Variants in HECW1 observed in about 807,000 individuals in gnomAD.
HECW1 encodes the protein HECT, C2 and WW domain containing E3 ubiquitin protein ligase 1.
Under a neutral mutation model 182.3 loss-of-function variants are expected in HECW1, and 61 were observed. That is an observed-to-expected ratio of 0.33 (90% confidence interval 0.27 to 0.41). The LOEUF is 0.41. Ranked by LOEUF, HECW1 falls within the 10% of genes least tolerant of loss-of-function variation. The pLI, the probability that HECW1 is intolerant of heterozygous loss-of-function variation, is 1.00. For missense variants in HECW1, 1,739 were observed against 2,108.9 expected (o/e 0.82, Z 3.44); for synonymous variants, 859 against 832.6 (o/e 1.03, Z -0.55).
At chr7:43,315,791 G>T (rs1809168081) in intron 4 of HECW1, among the ~76,000 whole-genome samples, 1 of 152,094 alleles carries the variant, frequency 6.6e-6, no homozygotes, top group Admixed American at 6.5e-5. Flanking sequence ...ACCGCGCCTG[G>T]CCCTGTCCCA....
chr7:43,446,797 A>G (rs2152880539), intron 11 of HECW1, among the ~76,000 whole-genome samples: 2 of 152,368 alleles, frequency 1.3e-5, no homozygotes, highest in East Asian at 3.9e-4. Flanking sequence ...TAAAACAGAC[A>G]GCATGGAAAG....
At chr7:43,425,366 C>T (rs753791327) in intron 8 of HECW1, among the ~76,000 whole-genome samples, 6 of 144,948 alleles carry the variant, frequency 4.1e-5, no homozygotes, top group Non-Finnish European at 7.6e-5. Context: ...AGTCTCAATT[C>T]GGTAGGGTAT....
chr7:43,325,590 G>GCC (rs1334560016), intron 5 of HECW1, among the ~76,000 whole-genome samples: 1 of 152,202 alleles, frequency 6.6e-6, no homozygotes, highest in Non-Finnish European at 1.5e-5. Flanking sequence ...AGAGACCACT[G>GCC]CCAAAGGGGC....
chr7:43,284,606 C>G (rs1054663411), intron 3 of HECW1, among the ~76,000 whole-genome samples: 6 of 151,034 alleles, frequency 4.0e-5, no homozygotes, highest in Admixed American at 2.6e-4. Context: ...TTGTTATTAT[C>G]TACAGTTACC....
chr7:43,140,773 G>C (rs1368746344), intron 2 of HECW1, among the ~76,000 whole-genome samples: 1 of 152,136 alleles, frequency 6.6e-6, no homozygotes, highest in Non-Finnish European at 1.5e-5. Flanking sequence ...TTTTCTCTCA[G>C]TTCTGGAGGC....
chr7:43,508,149 T>C lies in HECW1; in HGVS notation c.3866+18T>C. 6.4e-7 allele frequency: 1 copy of C among 1,561,182 alleles called. No homozygotes were observed. Among genetic ancestry groups the C allele is most frequent in the Non-Finnish European group, 8.8e-7 (1 of 1,132,100 alleles). On this transcript the variant is annotated intron_variant, in intron 23 of 29. Transcript: ENST00000395891. ...GAGGAGGGGTGAGGCACCAGGAGTTTTATGCAGACACCTAAGCAAGGGTGG... is the reference window on the plus strand; with the variant it reads ...GAGGAGGGGTGAGGCACCAGGAGTTCTATGCAGACACCTAAGCAAGGGTGG...
intron 7 of HECW1, among the ~76,000 whole-genome samples, chr7:43,399,536 T>A (rs1439348136): frequency 2.0e-5 from 3 of 152,202 alleles, no homozygotes; most frequent in Non-Finnish European, 2.9e-5. Context: ...GTCCAAGTCC[T>A]GAAGCCCAAG....
rs35378292 is a variant in HECW1, at chr7:43,179,554, T to TTTGTTGTTGTTG, written c.-31-64304_-31-64293dup. Among the ~76,000 whole-genome samples, 353 of 148,210 alleles carry TTTGTTGTTGTTG rather than the reference T, an allele frequency of 2.4e-3. 2 individuals are homozygous for TTTGTTGTTGTTG. In the South Asian group the frequency reaches 0.028, roughly 12 times the overall value. On this transcript the variant is annotated intron_variant, in intron 2 of 29. Transcript: ENST00000395891. ...TTGGGAGAATTGTATATTTGCTAAG[T>TTTGTTGTTGTTG]TTGTTGTTGTTGTTGTTGTTGTTGT...
chr7:43,511,129 T>C (rs1001665337), intron 24 of HECW1: 1 of 152,260 alleles, frequency 6.6e-6, no homozygotes, highest in Non-Finnish European at 1.5e-5. Flanking sequence ...GATGGATCCC[T>C]GATGAGGGCT....
chr7:43,159,818 TACAGGTGCCCACCACC>T (rs1227818439), intron 2 of HECW1, among the ~76,000 whole-genome samples: 2 of 151,876 alleles, frequency 1.3e-5, no homozygotes, highest in African/African-American at 2.4e-5. Context: ...TAGCTGGGAC[TACAGGTGCCCACCACC>T]ACGCCCGGCT....
chr7:43,541,439 AG>A (rs2081360581), intron 25 of HECW1, among the ~76,000 whole-genome samples, 178 bp downstream of exon 25: 1 of 152,226 alleles, frequency 6.6e-6, no homozygotes, highest in South Asian at 2.1e-4. Context: ...CACAATAAAA[AG>A]GTATTTGGGG....
At chr7:43,558,098 G>C (rs1414585463) in intron 29 of HECW1, among the ~76,000 whole-genome samples, 3 of 152,132 alleles carry the variant, frequency 2.0e-5, no homozygotes, top group African/African-American at 7.2e-5. Flanking sequence ...TGGGACACTA[G>C]GACCCGGAGG....
At chr7:43,270,515 G>A (rs938572081) in intron 3 of HECW1, among the ~76,000 whole-genome samples, 1 of 152,176 alleles carries the variant, frequency 6.6e-6, no homozygotes, top group Non-Finnish European at 1.5e-5. Flanking sequence ...GACTTAGCCT[G>A]AGAAGTCACA....
intron 16 of HECW1, among the ~76,000 whole-genome samples, chr7:43,469,603 G>A (rs953219615): frequency 6.6e-6 from 1 of 152,192 alleles, no homozygotes; most frequent in Non-Finnish European, 1.5e-5. Flanking sequence ...GGGTGTGCTA[G>A]GCCCATGTGA....
intron 24 of HECW1, among the ~76,000 whole-genome samples, chr7:43,536,271 A>G (rs1358827245): frequency 6.6e-6 from 1 of 152,260 alleles, no homozygotes; most frequent in Non-Finnish European, 1.5e-5. Context: ...TGTGTTTCTT[A>G]AAAGTCAGGA....
chr7:43,284,329 A>T (rs28622556), intron 3 of HECW1, among the ~76,000 whole-genome samples: 54,342 of 151,914 alleles, frequency 0.36, 13,202 homozygotes, highest in African/African-American at 0.69. Flanking sequence ...CATATGCATT[A>T]TCTCACACAC....
At chr7:43,168,976 C>G (rs549317186) in intron 2 of HECW1, among the ~76,000 whole-genome samples, 2 of 152,204 alleles carry the variant, frequency 1.3e-5, no homozygotes, top group East Asian at 3.9e-4. Context: ...CTTCTGAGAG[C>G]TTGGGTGAGG....
chr7:43,127,313 C>T (rs1562573485), intron 2 of HECW1, among the ~76,000 whole-genome samples: 1 of 152,074 alleles, frequency 6.6e-6, no homozygotes, highest in Non-Finnish European at 1.5e-5. Flanking sequence ...CACCTGAGGT[C>T]AGGGGTTTGA....
At position 43,565,565 on chromosome 7, in the gene HECW1, T is replaced by C. The variant is rs1013829923; in HGVS notation, c.*3639T>C. On this transcript the variant is annotated 3_prime_UTR_variant, in exon 30 of 30. Coordinates refer to ENST00000395891, the MANE Select transcript of HECW1 (RefSeq NM_015052.5). ...ACATAACAAATGTGGTGCTTTATTA[T>C]TATTATTATTATTATTTTTATTATT... The C allele has an allele frequency of 6.1e-6, 1 of 164,448 alleles. No individual in the cohort carries two copies. The highest frequency in any genetic ancestry group is 2.0e-4 in the South Asian group (1 of 4,992). The allele number at this position is 164,448 out of a possible 1,614,324, so 10.2% of individuals were successfully genotyped here.
Sources: gnomAD v4.1 joint callset for allele counts (sites outside exome capture counted in the v4.1 genomes callset) on GRCh38, gnomAD v4.1.1 for gene constraint, MANE v1.5 for transcripts, NCBI Gene and HGNC (gene_info 2026-07-23, HGNC 2026-07-21) for gene names.